The following GPM6B variants were observed in gnomAD, a reference collection of about 807,000 sequenced individuals.
The protein encoded by GPM6B is neuronal membrane glycoprotein M6-b.
GPM6B carries 4 observed loss-of-function variants against 27.2 expected under a neutral mutation model. The observed-to-expected ratio is 0.15, with a 90% CI of 0.07 to 0.34. The LOEUF is 0.34. GPM6B is among the 10% of genes least tolerant of loss of function. The pLI, the probability that GPM6B is intolerant of heterozygous loss-of-function variation, is 1.00. For synonymous variants in GPM6B, 124 were observed against 103.1 expected, an observed-to-expected ratio of 1.20 and a Z score of -1.23; for missense variants, 183 against 261.9, an observed-to-expected ratio of 0.70 and a Z score of 2.08.
chrX:13,841,327 C>G (rs2049571620), intron 1 of GPM6B, among the ~76,000 whole-genome samples: 1 of 111,827 alleles, frequency 8.9e-6, no homozygotes, highest in Admixed American at 9.5e-5. Context: ...CATTTCAAGA[C>G]TTCAGAACCT....
intron 4 of GPM6B, among the ~76,000 whole-genome samples, chrX:13,782,790 C>A (rs1385928964): frequency 5.4e-5 from 5 of 92,612 alleles, no homozygotes; most frequent in Non-Finnish European, 1.1e-4. Context: ...AAAAAAAATT[C>A]TTGGCTCTTG....
At chrX:13,898,273 A>C (rs1019258190) in intron 1 of GPM6B, among the ~76,000 whole-genome samples, 3 of 112,263 alleles carry the variant, frequency 2.7e-5, no homozygotes, top group African/African-American at 9.7e-5. Context: ...AGCATCCTCT[A>C]GTTATAACGA....
intron 1 of GPM6B, among the ~76,000 whole-genome samples, chrX:13,852,958 T>C (rs144810193): frequency 0.017 from 1,874 of 109,771 alleles, 37 homozygotes; most frequent in East Asian, 0.14. Flanking sequence ...AAACCTTTTA[T>C]GTGTATCATT....
chrX:13,841,046 T>C (rs1376023185), intron 1 of GPM6B, among the ~76,000 whole-genome samples: 1 of 112,539 alleles, frequency 8.9e-6, no homozygotes, highest in African/African-American at 3.2e-5. Context: ...CATACCTGCA[T>C]ACTTTAGACG....
chrX:13,836,024 T>C (rs1438995204), intron 1 of GPM6B, among the ~76,000 whole-genome samples: 1 of 112,108 alleles, frequency 8.9e-6, no homozygotes, highest in Non-Finnish European at 1.9e-5. Context: ...TGCAGGATGG[T>C]CTTCAGAACA....
At chrX:13,827,660 A>G (rs2049392362) in intron 1 of GPM6B, among the ~76,000 whole-genome samples, 1 of 111,620 alleles carries the variant, frequency 9.0e-6, no homozygotes, top group Non-Finnish European at 1.9e-5. Flanking sequence ...GGATCTCAAC[A>G]CCTTCAGCCT....
At chrX:13,844,282 G>A (rs1475905089) in intron 1 of GPM6B, among the ~76,000 whole-genome samples, 7 of 112,256 alleles carry the variant, frequency 6.2e-5, no homozygotes, top group South Asian at 3.7e-4. Context: ...AGTACCACAC[G>A]GTAGCTTTGT....
At position 13,843,280 on chromosome X, in the gene GPM6B, T is replaced by C. The variant is rs377589432; in HGVS notation, c.-197-57472A>G. On this transcript the variant is annotated intron_variant, in intron 1 of 6. Transcript: ENST00000398361. ...CTGTAGCATGTGTTAGTATTTCCTT[T>C]CTTTTTATTGCTGAATCATACTGCA... 1.3e-3 allele frequency among the ~76,000 whole-genome samples: 147 copies of C among 112,419 alleles called. 2 individuals carry two copies. The highest frequency in any genetic ancestry group is 4.5e-3 in the African/African-American group (139 of 30,959).
intron 1 of GPM6B, among the ~76,000 whole-genome samples, chrX:13,916,727 T>TA (rs1366781866): frequency 9.4e-6 from 1 of 106,108 alleles, no homozygotes; most frequent in African/African-American, 3.5e-5. Context: ...TCTTAAAAAA[T>TA]AAGGCAGCAG....
intron 1 of GPM6B, among the ~76,000 whole-genome samples, chrX:13,816,536 A>G (rs770007727): frequency 9.0e-6 from 1 of 111,621 alleles, no homozygotes; most frequent in African/African-American, 3.3e-5. Flanking sequence ...CACAAGACCT[A>G]AGTTACGATT....
intron 1 of GPM6B, among the ~76,000 whole-genome samples, chrX:13,900,687 T>C (rs150581571): frequency 0.014 from 1,556 of 112,255 alleles, 29 homozygotes; most frequent in African/African-American, 0.047. Flanking sequence ...AGGAGAACTA[T>C]CTGCCTGCTA....
chrX:13,926,734 T>C (rs963262749), intron 1 of GPM6B, among the ~76,000 whole-genome samples: 2 of 111,991 alleles, frequency 1.8e-5, no homozygotes, highest in Non-Finnish European at 3.8e-5. Flanking sequence ...TATCTAAAAC[T>C]ATACCAAAAA....
intron 1 of GPM6B, among the ~76,000 whole-genome samples, chrX:13,856,568 C>A (rs1029318744): frequency 8.9e-6 from 1 of 112,359 alleles, no homozygotes; most frequent in African/African-American, 3.2e-5. Flanking sequence ...TTTCCTATGG[C>A]TGTTGTAACG....
chrX:13,841,939 C>T (rs1288825873), intron 1 of GPM6B, among the ~76,000 whole-genome samples: 2 of 111,903 alleles, frequency 1.8e-5, no homozygotes, highest in Admixed American at 1.9e-4. Flanking sequence ...TGTTCTAATT[C>T]TATTCTATTC....
chrX:13,793,971 G>C (rs775129658), intron 2 of GPM6B, among the ~76,000 whole-genome samples: 2 of 111,561 alleles, frequency 1.8e-5, no homozygotes, highest in African/African-American at 6.5e-5. Flanking sequence ...AACCTATTTT[G>C]TGACACATGA....
intron 2 of GPM6B, among the ~76,000 whole-genome samples, chrX:13,786,326 A>T (rs1164379702): frequency 8.9e-6 from 1 of 112,222 alleles, no homozygotes; most frequent in Non-Finnish European, 1.9e-5. Flanking sequence ...CTCCGGGGCA[A>T]CTGGGAGAAT....
At chrX:13,821,619 G>A (rs1185168230), upstream of GPM6B, among the ~76,000 whole-genome samples, 10 of 111,039 alleles carry the variant, frequency 9.0e-5, no homozygotes, top group South Asian at 3.8e-4. Flanking sequence ...TTTTTGAGAC[G>A]GAGTTTTGCT....
intron 1 of GPM6B, among the ~76,000 whole-genome samples, chrX:13,865,686 G>C (rs759036638): frequency 1.8e-5 from 2 of 108,108 alleles, no homozygotes; most frequent in African/African-American, 6.7e-5. Flanking sequence ...GAGTCCAAGA[G>C]GTCAAGGCTG....
At chrX:13,938,463 G>A (rs769687241), upstream of GPM6B, 38 of 886,026 alleles carry the variant, frequency 4.3e-5, no homozygotes, top group Non-Finnish European at 4.8e-5. Context: ...CGGGGCGGGG[G>A]CGCGAGACCG....
Sources: gnomAD v4.1 joint callset for allele counts (sites outside exome capture counted in the v4.1 genomes callset) on GRCh38, gnomAD v4.1.1 for gene constraint, MANE v1.5 for transcripts, NCBI Gene and HGNC (gene_info 2026-07-23, HGNC 2026-07-21) for gene names.